KCNH7: variants seen among roughly 807,000 people sequenced by gnomAD.
KCNH7 encodes the protein voltage-gated inwardly rectifying potassium channel KCNH7.
KCNH7 carries 49 observed loss-of-function variants against 120.8 expected under a neutral mutation model. The observed-to-expected ratio is 0.41, with a 90% CI of 0.32 to 0.51. The LOEUF is 0.51. KCNH7 is among the 20% of genes least tolerant of loss of function. The pLI, the probability that KCNH7 is intolerant of heterozygous loss-of-function variation, is 0.38. For missense variants in KCNH7, 1,097 were observed against 1,446.6 expected (o/e 0.76, Z 3.92); for synonymous variants, 547 against 516.1 (o/e 1.06, Z -0.81).
At chr2:162,713,522 C>A (rs796077563) in intron 2 of KCNH7, among the ~76,000 whole-genome samples, 2 of 151,714 alleles carry the variant, frequency 1.3e-5, no homozygotes, top group Non-Finnish European at 2.9e-5. Flanking sequence ...TAGTTACTAG[C>A]CATAAAATTA....
chr2:162,830,258 A>G (rs1211138619), intron 2 of KCNH7, among the ~76,000 whole-genome samples: 1 of 152,204 alleles, frequency 6.6e-6, no homozygotes, highest in African/African-American at 2.4e-5. Context: ...AAAAACTTCT[A>G]AAGACTAAAC....
intron 2 of KCNH7, among the ~76,000 whole-genome samples, chr2:162,561,269 C>T (rs1294855301): frequency 6.6e-6 from 1 of 151,900 alleles, no homozygotes; most frequent in East Asian, 1.9e-4. Context: ...TTTGCTGTGG[C>T]TGTTGCTTTT....
chr2:162,483,339 A>ATG (rs1689989717), intron 6 of KCNH7, among the ~76,000 whole-genome samples: 1 of 152,150 alleles, frequency 6.6e-6, no homozygotes, highest in Admixed American at 6.6e-5. Context: ...AACAAAATCA[A>ATG]GTTTCAGACT....
chr2:162,588,235 A>C (rs1694085091), intron 2 of KCNH7, among the ~76,000 whole-genome samples: 1 of 152,128 alleles, frequency 6.6e-6, no homozygotes, highest in South Asian at 2.1e-4. Flanking sequence ...GTTAGGGAAA[A>C]GATTAAGAAA....
chr2:162,825,442 T>C (rs1685247561), intron 2 of KCNH7, among the ~76,000 whole-genome samples: 1 of 152,012 alleles, frequency 6.6e-6, no homozygotes, highest in South Asian at 2.1e-4. Flanking sequence ...CAACAAAAAT[T>C]AAAAAGAATG....
At chr2:162,510,078 A>G (rs1691018175) in intron 5 of KCNH7, among the ~76,000 whole-genome samples, 1 of 151,670 alleles carries the variant, frequency 6.6e-6, no homozygotes, top group Non-Finnish European at 1.5e-5. Context: ...TACCCCTCTC[A>G]CATATTAGAG....
intron 2 of KCNH7, among the ~76,000 whole-genome samples, chr2:162,540,065 C>A (rs1692251389): frequency 6.6e-6 from 1 of 151,720 alleles, no homozygotes; most frequent in Non-Finnish European, 1.5e-5. Flanking sequence ...GGAAACCTAA[C>A]CCAGCAAACA....
chr2:162,645,241 G>A (rs533567118), intron 2 of KCNH7, among the ~76,000 whole-genome samples: 4 of 152,086 alleles, frequency 2.6e-5, no homozygotes, highest in South Asian at 2.1e-4. Context: ...TCCGCCTCCC[G>A]GGTTCAAGTG....
At chr2:162,510,002 G>T (rs1691014906) in intron 5 of KCNH7, among the ~76,000 whole-genome samples, 1 of 151,504 alleles carries the variant, frequency 6.6e-6, no homozygotes, top group African/African-American at 2.4e-5. Flanking sequence ...GACTTGTAAA[G>T]CAAAATAGAA....
intron 2 of KCNH7, among the ~76,000 whole-genome samples, chr2:162,542,424 C>CGGAGTGT (rs1478919328): frequency 1.5e-5 from 2 of 130,480 alleles, no homozygotes; most frequent in Non-Finnish European, 3.2e-5. Flanking sequence ...CAACAGTCCC[C>CGGAGTGT]GGAGTGTGAT....
intron 2 of KCNH7, among the ~76,000 whole-genome samples, chr2:162,724,496 C>T (rs1406752091): frequency 6.6e-6 from 1 of 151,058 alleles, no homozygotes; most frequent in Non-Finnish European, 1.5e-5. Context: ...AAAGGTGAAA[C>T]CCCGTCTCTA....
At chr2:162,787,737 T>C (rs995771290) in intron 2 of KCNH7, among the ~76,000 whole-genome samples, 1 of 151,882 alleles carries the variant, frequency 6.6e-6, no homozygotes, top group Non-Finnish European at 1.5e-5. Context: ...TGCTATATAC[T>C]CAGTTTCCAG....
intron 2 of KCNH7, among the ~76,000 whole-genome samples, chr2:162,550,107 G>A (rs1046476909): frequency 6.6e-6 from 1 of 152,156 alleles, no homozygotes; most frequent in African/African-American, 2.4e-5. Context: ...GGCCATAGCG[G>A]TGTGGAATGC....
intron 3 of KCNH7, among the ~76,000 whole-genome samples, chr2:162,529,869 C>A (rs1412161935): frequency 6.6e-6 from 1 of 151,846 alleles, no homozygotes; most frequent in Non-Finnish European, 1.5e-5. Flanking sequence ...TGTTCAATTT[C>A]ATCTTTTATT....
At chr2:162,743,032 G>C (rs1688192019) in intron 2 of KCNH7, among the ~76,000 whole-genome samples, 1 of 152,126 alleles carries the variant, frequency 6.6e-6, no homozygotes, top group African/African-American at 2.4e-5. Context: ...AGCCATATTT[G>C]GTGCTCAGGC....
chr2:162,574,305 T>C (rs1484755855), intron 2 of KCNH7, among the ~76,000 whole-genome samples: 1 of 152,046 alleles, frequency 6.6e-6, no homozygotes, highest in African/African-American at 2.4e-5. Context: ...TTCTTCAAGT[T>C]GACAGACAAG....
chr2:162,752,909 A>AAAGT (rs1559116081), intron 2 of KCNH7, among the ~76,000 whole-genome samples: 1 of 43,132 alleles, frequency 2.3e-5, no homozygotes, highest in Non-Finnish European at 4.4e-5. Flanking sequence ...TCAGAAAAAG[A>AAAGT]AAAGAAAAGA....
intron 2 of KCNH7, among the ~76,000 whole-genome samples, chr2:162,662,374 A>C (rs900895888): frequency 1.3e-5 from 2 of 152,242 alleles, no homozygotes; most frequent in African/African-American, 4.8e-5. Flanking sequence ...CTACTTACAC[A>C]CTATTGTGGA....
intron 6 of KCNH7, among the ~76,000 whole-genome samples, chr2:162,453,867 A>G (rs925297411): frequency 6.6e-6 from 1 of 152,064 alleles, no homozygotes; most frequent in Non-Finnish European, 1.5e-5. Flanking sequence ...ACTTTGCCAG[A>G]TGGGTAGATT....
Sources: gnomAD v4.1 joint callset for allele counts (sites outside exome capture counted in the v4.1 genomes callset) on GRCh38, gnomAD v4.1.1 for gene constraint, MANE v1.5 for transcripts, NCBI Gene and HGNC (gene_info 2026-07-23, HGNC 2026-07-21) for gene names.